Variants in DGAT2L6 observed in about 807,000 individuals in gnomAD.
The protein encoded by DGAT2L6 is diacylglycerol O-acyltransferase 2 like 6.
In DGAT2L6, 22 loss-of-function variants were observed where a neutral mutation model predicts 25.5. That is an observed-to-expected ratio of 0.86 (90% CI 0.62 to 1.23). The LOEUF (loss-of-function observed/expected upper bound fraction) is 1.23. DGAT2L6 is among the 50% of genes most tolerant of loss of function. The probability of loss-of-function intolerance (pLI) is 0.00; values close to 1 mark genes in which losing one functional copy is unlikely to be tolerated. For missense variants in DGAT2L6, 287 were observed against 253.2 expected, an observed-to-expected ratio of 1.13 and a Z score of -0.91; for synonymous variants, 100 against 94.7, an observed-to-expected ratio of 1.06 and a Z score of -0.32.
chrX:70,201,506 C>G (rs2085410354), intron 4 of DGAT2L6, among the ~76,000 whole-genome samples: 1 of 111,378 alleles, frequency 9.0e-6, no homozygotes, highest in Non-Finnish European at 1.9e-5. Context: ...TCGATTACCC[C>G]TGGAGGAGAG....
At chrX:70,194,364 T>A (rs897235785) in intron 1 of DGAT2L6, among the ~76,000 whole-genome samples, 8 of 111,757 alleles carry the variant, frequency 7.2e-5, no homozygotes, top group African/African-American at 9.8e-5. Flanking sequence ...AAAATTCCAA[T>A]GACATTTTTA....
chrX:70,199,419 C>G, intron 2 of DGAT2L6, 38 bp downstream of exon 2: 2 of 987,716 alleles, frequency 2.0e-6, no homozygotes, highest in South Asian at 2.2e-5. Flanking sequence ...CTGTTTGGGC[C>G]AAGAATGGAA....
At chrX:70,200,561 A>C in intron 4 of DGAT2L6, 102 bp downstream of exon 4, 1 of 796,191 alleles carries the variant, frequency 1.3e-6, no homozygotes, top group Non-Finnish European at 1.8e-6. Flanking sequence ...ACATGATAGA[A>C]AATAAGTCCA....
Position 70,201,738 on chromosome X carries a change from T to C in DGAT2L6, c.473-152T>C, listed in dbSNP as rs2085411179. Reference sequence around the variant, plus strand: ...GACCAATCTTAGGCTAGGGCAGTCATAACCCGGGACACGAAGGTCAGAGAC... The same window carrying C: ...GACCAATCTTAGGCTAGGGCAGTCACAACCCGGGACACGAAGGTCAGAGAC... On this transcript the variant is annotated intron_variant, in intron 4 of 6. Coordinates refer to ENST00000333026, the MANE Select transcript of DGAT2L6 (RefSeq NM_198512.3). 9 of 627,782 alleles carry C rather than the reference T, an allele frequency of 1.4e-5. No individual in the cohort carries two copies. The East Asian group carries it at 3.5e-4, about 25-fold the overall frequency. The allele number at this position is 627,782 out of a possible 1,213,427, so 51.7% of individuals were successfully genotyped here. A position where few individuals can be genotyped will look rare whatever the true frequency, so the allele number is the denominator to read the frequency against.
Position 70,177,521 on chromosome X carries a change from C to A in DGAT2L6, c.-62C>A. ...TATAGCAAAGCATCTATAATCAACT[C>A]AGCTTAAGAAGTTTTGACCTTCTGG... On this transcript the variant is annotated 5_prime_UTR_variant, in exon 1 of 7. Coordinates refer to ENST00000333026, the MANE Select transcript of DGAT2L6 (RefSeq NM_198512.3). 1 of 1,025,463 alleles carries A rather than the reference C, an allele frequency of 9.8e-7. No individual in the cohort carries two copies. The allele number at this position is 1,025,463 out of a possible 1,213,427, so 84.5% of individuals were successfully genotyped here. A position where few individuals can be genotyped will look rare whatever the true frequency, so the allele number is the denominator to read the frequency against.
chrX:70,201,958 G>A lies in DGAT2L6; in HGVS notation c.541G>A (p.Val181Ile). The A allele has an allele frequency of 8.3e-7, 1 of 1,210,015 alleles. No individual in the cohort carries two copies. Among genetic ancestry groups the A allele is most frequent in the Non-Finnish European group, 1.1e-6 (1 of 894,749 alleles). The change falls in exon 5 of 7, where the codon GTT (valine) becomes ATT (isoleucine). Residue 181 changes from valine to isoleucine, a missense_variant. Val to Ile is a conservative substitution (Grantham distance 29). Coordinates refer to ENST00000333026, the MANE Select transcript of DGAT2L6 (RefSeq NM_198512.3). ...CCAGAAAGGCTCAGGCAATGCCGTG[G>A]TTATTGTGGTGGGTGGAGCTGCTGA... ...LTQKGSGNAV[V>I]IVVGGAAEAL...
At chrX:70,195,521 C>A (rs1354711870) in intron 1 of DGAT2L6, among the ~76,000 whole-genome samples, 1 of 110,854 alleles carries the variant, frequency 9.0e-6, no homozygotes, top group Admixed American at 9.6e-5. Flanking sequence ...GAGATCCTGC[C>A]ATTTGCAATA....
At chrX:70,195,204 C>T (rs2085387112) in intron 1 of DGAT2L6, among the ~76,000 whole-genome samples, 1 of 111,619 alleles carries the variant, frequency 9.0e-6, no homozygotes, top group Non-Finnish European at 1.9e-5. Context: ...TCACCTTACA[C>T]CTGTTAGGAT....
chrX:70,200,121 A>G, intron 3 of DGAT2L6, 134 bp from the exon 4 acceptor site: 1 of 683,697 alleles, frequency 1.5e-6, no homozygotes, highest in Non-Finnish European at 2.2e-6. Flanking sequence ...CAATCCTATG[A>G]CAATGATGAC....
intron 1 of DGAT2L6, among the ~76,000 whole-genome samples, chrX:70,187,169 TTTTGTTTG>T (rs61670297): frequency 0.047 from 5,137 of 108,402 alleles, 179 homozygotes; most frequent in African/African-American, 0.11. Context: ...AGGAGAAGTT[TTTTGTTTG>T]TTTGTTTGTT....
At chrX:70,186,690 C>T (rs765702634) in intron 1 of DGAT2L6, among the ~76,000 whole-genome samples, 5 of 112,026 alleles carry the variant, frequency 4.5e-5, no homozygotes, top group Non-Finnish European at 1.9e-5. Context: ...TGTATTTTAA[C>T]AGGAAATTTT....
At chrX:70,198,323 C>T (rs2085398013) in intron 1 of DGAT2L6, among the ~76,000 whole-genome samples, 2 of 112,310 alleles carry the variant, frequency 1.8e-5, no homozygotes, top group Admixed American at 9.4e-5. Flanking sequence ...TTGAATGGAA[C>T]AAAATGAACA....
intron 1 of DGAT2L6, among the ~76,000 whole-genome samples, chrX:70,196,236 G>C (rs1272694278): frequency 1.8e-5 from 2 of 110,100 alleles, no homozygotes; most frequent in Non-Finnish European, 3.8e-5. Flanking sequence ...CCAGCACTTT[G>C]GGAGGCTAAG....
At chrX:70,179,933 T>C (rs2085338307) in intron 1 of DGAT2L6, among the ~76,000 whole-genome samples, 2 of 111,084 alleles carry the variant, frequency 1.8e-5, no homozygotes, top group African/African-American at 3.3e-5. Context: ...CTTTCTCATA[T>C]ATATTTTTCT....
chrX:70,189,179 A>G (rs760314772), intron 1 of DGAT2L6, among the ~76,000 whole-genome samples: 13 of 111,077 alleles, frequency 1.2e-4, no homozygotes, highest in Non-Finnish European at 1.9e-4. Context: ...AAAGAGAAAT[A>G]AAACTGTCCT....
In DGAT2L6 at chrX:70,201,942, C is replaced by T; in HGVS notation, c.525C>T (p.Gly175=). 8.3e-7 allele frequency: 1 copy of T among 1,208,408 alleles called. No individual in the cohort carries two copies. The highest frequency in any genetic ancestry group is 1.1e-6 in the Non-Finnish European group (1 of 893,977). Residue 175 remains glycine, a synonymous_variant, in exon 5 of 7, where the codon GGC becomes GGT. Transcript: ENST00000333026. The part of the protein sequence containing the change: ...SALKYLLTQK[G]SGNAVVIVVG... ...TGAAGTACTTGCTGACCCAGAAAGG[C>T]TCAGGCAATGCCGTGGTTATTGTGG...
chrX:70,205,319 G>C lies in DGAT2L6; in HGVS notation c.*213G>C. 2.7e-6 allele frequency: 1 copy of C among 367,684 alleles called. No individual in the cohort carries two copies. The highest frequency in any genetic ancestry group is 4.3e-6 in the Non-Finnish European group (1 of 232,487). 30.3% of individuals were successfully genotyped at this position (367,684 alleles called of 1,213,427 possible). On this transcript the variant is annotated 3_prime_UTR_variant, in exon 7 of 7. Transcript: ENST00000333026. Reference sequence around the variant, plus strand: ...TAGGGGAAAGAACCAGAGGGGCAGGGGAGGACTGGGGAGGGCTGGCTAGCC... The same window carrying C: ...TAGGGGAAAGAACCAGAGGGGCAGGCGAGGACTGGGGAGGGCTGGCTAGCC...
intron 1 of DGAT2L6, among the ~76,000 whole-genome samples, chrX:70,185,065 C>A (rs1054465357): frequency 9.0e-5 from 10 of 111,415 alleles, no homozygotes; most frequent in African/African-American, 3.3e-4. Context: ...GCTTACTAAC[C>A]TTTACTGGCT....
At chrX:70,184,915 C>G (rs1303184823) in intron 1 of DGAT2L6, among the ~76,000 whole-genome samples, 1 of 111,228 alleles carries the variant, frequency 9.0e-6, no homozygotes, top group African/African-American at 3.3e-5. Context: ...GAAATAGTAG[C>G]CTATTTCAGG....
Sources: gnomAD v4.1 joint callset for allele counts (sites outside exome capture counted in the v4.1 genomes callset) on GRCh38, gnomAD v4.1.1 for gene constraint, MANE v1.5 for transcripts, NCBI Gene and HGNC (gene_info 2026-07-23, HGNC 2026-07-21) for gene names.